The following COL6A2 variants were observed in gnomAD, a reference collection of about 807,000 sequenced individuals.
COL6A2 encodes the protein collagen type VI alpha 2 chain, also known as collagen alpha-2(VI) chain.
In COL6A2, 90 loss-of-function variants were observed where a neutral mutation model predicts 124.9. That is an observed-to-expected ratio of 0.72 (90% CI 0.61 to 0.86). The LOEUF (loss-of-function observed/expected upper bound fraction) is 0.86. COL6A2 is among the 40% of genes least tolerant of loss of function. The pLI, the probability that COL6A2 is intolerant of heterozygous loss-of-function variation, is 0.00. For missense variants in COL6A2, 1,607 were observed against 1,502.5 expected (o/e 1.07, Z -1.15); for synonymous variants, 793 against 618.2 (o/e 1.28, Z -4.19).
At chr21:46,114,152 C>T (rs756289378) in intron 5 of COL6A2, 79 bp downstream of exon 5, 29 of 1,241,326 alleles carry the variant, frequency 2.3e-5, no homozygotes, top group Admixed American at 1.2e-4. Flanking sequence ...CTTGGCCGGG[C>T]GTGGTGGCTC....
At chr21:46,128,656 T>C (rs2078711666) in intron 27 of COL6A2, among the ~76,000 whole-genome samples, 1 of 152,172 alleles carries the variant, frequency 6.6e-6, no homozygotes, top group Admixed American at 6.5e-5. Context: ...CGATAAGAGC[T>C]GCATAGGGGC....
chr21:46,120,584 G>A lies in COL6A2; in HGVS notation c.1395+7G>A. On this transcript the variant is annotated splice_region_variant and intron_variant, in intron 16 of 27. Transcript: ENST00000300527. ...TGGCAACAAAGGAGCCAAGGTAGGG[G>A]AGCAGGGTGGGCCGCACCCCAAGGT... 9.6e-6 allele frequency: 14 copies of A among 1,459,982 alleles called. No individual in the cohort carries two copies. Among genetic ancestry groups the A allele is most frequent in the Non-Finnish European group, 1.3e-5 (14 of 1,105,570 alleles). The allele number at this position is 1,459,982 out of a possible 1,614,324, so 90.4% of individuals were successfully genotyped here.
At chr21:46,111,186 G>A (rs568119880) in intron 1 of COL6A2, among the ~76,000 whole-genome samples, 8 of 152,302 alleles carry the variant, frequency 5.3e-5, no homozygotes, top group African/African-American at 1.9e-4. Context: ...ACATGGAAGG[G>A]CCTCAACCAT....
In COL6A2 at chr21:46,116,934, C is replaced by CGCAT. The variant is rs2078481746; in HGVS notation, c.999+120_999+121insGCAT. 1 of 787,666 alleles carries CGCAT rather than the reference C, an allele frequency of 1.3e-6. No individual in the cohort carries two copies. Among genetic ancestry groups the CGCAT allele is most frequent in the Non-Finnish European group, 2.0e-6 (1 of 497,616 alleles). 48.8% of individuals were successfully genotyped at this position (787,666 alleles called of 1,614,324 possible). ...ACATGTGTACACACGCATACACACA[C>CGCAT]ACACACACACACACACACACACGAA... On this transcript the variant is annotated intron_variant, in intron 10 of 27. Coordinates refer to ENST00000300527, the MANE Select transcript of COL6A2 (RefSeq NM_001849.4). This position sits in a 1 kb window ranked among gnomAD's most constrained non-coding sequence, Gnocchi z 4.6.
chr21:46,103,563 A>G (rs993050382), intron 1 of COL6A2, among the ~76,000 whole-genome samples: 2 of 152,072 alleles, frequency 1.3e-5, no homozygotes, highest in African/African-American at 4.8e-5. Flanking sequence ...CCCCCTTAGC[A>G]CTGCTTTCAC....
chr21:46,122,629 CCT>C (rs1294449607), intron 20 of COL6A2, 98 bp downstream of exon 20: 29 of 1,382,972 alleles, frequency 2.1e-5, no homozygotes, highest in African/African-American at 5.7e-5. Flanking sequence ...CAGGACCACC[CCT>C]GTCTTGAGAT....
intron 1 of COL6A2, among the ~76,000 whole-genome samples, chr21:46,107,385 G>T (rs796712546): frequency 4.6e-5 from 7 of 152,138 alleles, no homozygotes; most frequent in African/African-American, 7.2e-5. Context: ...ACTCTGGCAT[G>T]ACACTACACG....
At chr21:46,119,146 G>T in intron 14 of COL6A2, 27 bp downstream of exon 14, 1 of 1,573,178 alleles carries the variant, frequency 6.4e-7, no homozygotes. Flanking sequence ...CCTGCCTCAG[G>T]GCCCCGCTCT....
At chr21:46,129,503 CCGCCCAGCCGGGCTGGG>C (rs1192371630) in intron 27 of COL6A2, 2 of 1,549,998 alleles carry the variant, frequency 1.3e-6, no homozygotes, top group East Asian at 4.6e-5. Flanking sequence ...GCCCGGGCAC[CCGCCCAGCCGGGCTGGG>C]CCCTCCCTGC....
intron 27 of COL6A2, among the ~76,000 whole-genome samples, chr21:46,130,345 C>CG (rs1472202665): frequency 6.6e-6 from 1 of 152,160 alleles, no homozygotes; most frequent in East Asian, 1.9e-4. Context: ...TGTTGGGGAG[C>CG]GGCAGGGATC....
Position 46,112,049 on chromosome 21 carries a change from C to G in COL6A2, c.186C>G (p.Pro62=), listed in dbSNP as rs762050166. The change falls in exon 3 of 28, where the codon CCC becomes CCG. Residue 62 remains proline (P), a synonymous_variant. Coordinates refer to ENST00000300527, the MANE Select transcript of COL6A2 (RefSeq NM_001849.4). The part of the protein sequence containing the change: ...DTSESVTMQS[P]TDILLFHMKQ... ...CGGAGAGCGTCACCATGCAGTCCCC[C>G]ACGGACATCCTGCTCTTCCACATGA... 3 of 1,612,996 alleles carry G rather than the reference C, an allele frequency of 1.9e-6. No homozygotes were observed. Among genetic ancestry groups the G allele is most frequent in the Non-Finnish European group, 2.5e-6 (3 of 1,180,026 alleles).
intron 27 of COL6A2, 135 bp from the exon 28 acceptor site, chr21:46,131,819 A>G: frequency 1.2e-6 from 1 of 841,050 alleles, no homozygotes; most frequent in Non-Finnish European, 1.9e-6. Flanking sequence ...TGCCCTGCAG[A>G]AACGCCCCCG....
chr21:46,125,844 G>T lies in COL6A2; in HGVS notation c.2029G>T (p.Asp677Tyr). 1.9e-6 allele frequency: 3 copies of T among 1,612,992 alleles called. No individual in the cohort carries two copies. Among genetic ancestry groups the T allele is most frequent in the Non-Finnish European group, 1.7e-6 (2 of 1,179,976 alleles). The change falls in exon 26 of 28, where the codon GAC becomes TAC. Residue 677 changes from aspartate (D) to tyrosine (Y), a missense_variant. By Grantham distance (160) the Asp-to-Tyr change is radical. Transcript: ENST00000300527. ...GGGCACCTTTGAGGCCATCCAGCTGGACGACGAACGTATCGACTCCCTGTC... is the reference window on the plus strand; with the variant it reads ...GGGCACCTTTGAGGCCATCCAGCTGTACGACGAACGTATCGACTCCCTGTC... ...HEGTFEAIQLDDERIDSLSSF... is the reference protein window; with the variant it reads ...HEGTFEAIQLYDERIDSLSSF...
At chr21:46,115,459 T>G (rs962556403) in intron 5 of COL6A2, among the ~76,000 whole-genome samples, 4 of 152,250 alleles carry the variant, frequency 2.6e-5, no homozygotes, top group African/African-American at 9.6e-5. Context: ...TTATGTGGTG[T>G]TCTGAAGTCC....
intron 27 of COL6A2, among the ~76,000 whole-genome samples, chr21:46,131,377 C>G (rs563160458): frequency 6.6e-6 from 1 of 152,210 alleles, no homozygotes; most frequent in South Asian, 2.1e-4. Context: ...GGGCAGAACC[C>G]ACCTGGGCTG....
rs1314995749 is a variant in COL6A2 at position 46,120,968 on chromosome 21, C to G, written c.1396-93C>G. 8.8e-6 allele frequency: 11 copies of G among 1,244,008 alleles called. No individual in the cohort carries two copies. The East Asian group carries it at 2.1e-4, about 24-fold the overall frequency. The allele number at this position is 1,244,008 out of a possible 1,614,324, so 77.1% of individuals were successfully genotyped here. A position where few individuals can be genotyped will look rare whatever the true frequency, so the allele number is the denominator to read the frequency against. Reference sequence around the variant, plus strand: ...GGCCGGGGCCAGACCCGTCTTACCCCCGAGGCCCTGCAGTGTCCACAGGAT... The same window carrying G: ...GGCCGGGGCCAGACCCGTCTTACCCGCGAGGCCCTGCAGTGTCCACAGGAT... On this transcript the variant is annotated intron_variant, in intron 16 of 27. Coordinates refer to ENST00000300527, the MANE Select transcript of COL6A2 (RefSeq NM_001849.4).
intron 11 of COL6A2, 24 bp from the exon 12 acceptor site, chr21:46,117,850 C>T: frequency 6.2e-7 from 1 of 1,604,368 alleles, no homozygotes; most frequent in Non-Finnish European, 8.5e-7. Flanking sequence ...GTGTGCCGAG[C>T]TCCACCTCTC....
chr21:46,123,870 G>A (rs2078610828), intron 21 of COL6A2, among the ~76,000 whole-genome samples: 1 of 141,592 alleles, frequency 7.1e-6, no homozygotes, highest in Admixed American at 7.2e-5. Flanking sequence ...TGGGTTGGCA[G>A]ATGGATGGAT....
chr21:46,119,164 C>G, intron 14 of COL6A2, 45 bp downstream of exon 14: 1 of 1,444,626 alleles, frequency 6.9e-7, no homozygotes, highest in Non-Finnish European at 9.6e-7. Flanking sequence ...TCTGGGCATC[C>G]TCCTTGCAGC....
Sources: gnomAD v4.1 joint callset for allele counts (sites outside exome capture counted in the v4.1 genomes callset) on GRCh38, gnomAD v4.1.1 for gene constraint, Gnocchi (gnomAD v3.1) non-coding constraint, MANE v1.5 for transcripts, NCBI Gene and HGNC (gene_info 2026-07-23, HGNC 2026-07-21) for gene names.